Variants in CYP20A1 observed in about 807,000 individuals in gnomAD.
The protein encoded by CYP20A1 is cytochrome P450 20A1.
A neutral mutation model predicts 61.4 loss-of-function variants in CYP20A1; 61 were observed. That is an observed-to-expected ratio of 0.99 (90% confidence interval 0.81 to 1.23). The LOEUF is 1.23. Ranked by LOEUF, CYP20A1 falls within the 50% of genes most tolerant of loss-of-function variation. The probability of loss-of-function intolerance (pLI) is 0.00; values close to 1 mark genes in which losing one functional copy is unlikely to be tolerated. For missense variants in CYP20A1, 530 were observed against 542.4 expected (o/e 0.98, Z 0.23); for synonymous variants, 193 against 188.2 (o/e 1.03, Z -0.21).
chr2:203,241,346 T>A (rs1237218871), intron 1 of CYP20A1, among the ~76,000 whole-genome samples: 1 of 152,186 alleles, frequency 6.6e-6, no homozygotes, highest in Non-Finnish European at 1.5e-5. Context: ...GTCTTGAGTT[T>A]ATGGGAAAAG....
At chr2:203,284,764 G>C (rs1448071427) in intron 8 of CYP20A1, among the ~76,000 whole-genome samples, 1 of 15,634 alleles carries the variant, frequency 6.4e-5, no homozygotes, top group Non-Finnish European at 1.2e-4. Context: ...TTTTTTTTTT[G>C]AGACAGGATC....
Position 203,292,337 on chromosome 2 carries a change from T to G in CYP20A1, c.1148+11T>G. 6.3e-7 allele frequency: 1 copy of G among 1,591,630 alleles called. No homozygotes were observed. On this transcript the variant is annotated intron_variant, in intron 11 of 12. Transcript: ENST00000356079. ...GCCATCTCCACACAAGTATGAAATA[T>G]TTGTCATTGTATTTGTGACTGTCAG...
Position 203,285,593 on chromosome 2 carries a change from C to A in CYP20A1, c.851-19C>A. On this transcript the variant is annotated intron_variant, in intron 8 of 12. Coordinates refer to ENST00000356079, the MANE Select transcript of CYP20A1 (RefSeq NM_177538.3). ...TGAGTTAGCTATTTTCATTGTTATT[C>A]ATATAATGTTTGACCTAGTGTGTAC... 1.3e-6 allele frequency: 2 copies of A among 1,538,822 alleles called. No homozygotes were observed. Among genetic ancestry groups the A allele is most frequent in the South Asian group, 1.3e-5 (1 of 76,544 alleles).
chr2:203,301,463 G>T lies in CYP20A1; in HGVS notation c.*4555G>T, dbSNP rs1690764041. Among the ~76,000 whole-genome samples the T allele has an allele frequency of 2.0e-5, 3 of 151,616 alleles. No homozygotes were observed. Among genetic ancestry groups the T allele is most frequent in the Admixed American group, 1.3e-4 (2 of 15,174 alleles). On this transcript the variant is annotated 3_prime_UTR_variant, in exon 13 of 13. Coordinates refer to ENST00000356079, the MANE Select transcript of CYP20A1 (RefSeq NM_177538.3). ...TTTGGTTTTGTTTTTTTGAGACAGG[G>T]TCTCCCTGCGTCGCCCAGTCTTGTC...
Position 203,305,883 on chromosome 2 carries a change from G to A in CYP20A1, c.*8975G>A, listed in dbSNP as rs1247464562. Among the ~76,000 whole-genome samples the A allele has an allele frequency of 6.6e-6, 1 of 152,138 alleles. No homozygotes were observed. The highest frequency in any genetic ancestry group is 1.5e-5 in the Non-Finnish European group (1 of 68,036). ...ATTCAGAAGCCAAGCTATCCATAAAGCTACTTTGTGATGTGCTGAATACTC... is the reference window on the plus strand; with the variant it reads ...ATTCAGAAGCCAAGCTATCCATAAAACTACTTTGTGATGTGCTGAATACTC... On this transcript the variant is annotated 3_prime_UTR_variant, in exon 13 of 13. Coordinates refer to ENST00000356079, the MANE Select transcript of CYP20A1 (RefSeq NM_177538.3).
chr2:203,292,400 G>A (rs2068576921), intron 11 of CYP20A1, 74 bp downstream of exon 11: 3 of 1,062,710 alleles, frequency 2.8e-6, no homozygotes, highest in Non-Finnish European at 2.9e-6. Context: ...TTTCCTAACT[G>A]TTGAGTAGAA....
intron 1 of CYP20A1, among the ~76,000 whole-genome samples, chr2:203,242,625 A>T (rs2066293271): frequency 6.6e-6 from 1 of 151,986 alleles, no homozygotes; most frequent in South Asian, 2.1e-4. Context: ...TTGTCTCTAA[A>T]ATAAATAAAT....
intron 12 of CYP20A1, 40 bp downstream of exon 12, chr2:203,296,603 A>T (rs2068807567): frequency 6.6e-7 from 1 of 1,511,482 alleles, no homozygotes. Context: ...TAGAATTTTG[A>T]TGATCACTGT....
intron 4 of CYP20A1, among the ~76,000 whole-genome samples, chr2:203,252,831 C>G (rs77090565): frequency 6.6e-6 from 1 of 152,232 alleles, no homozygotes; most frequent in African/African-American, 2.4e-5. Flanking sequence ...CTGTGACTCC[C>G]CACTTCGCGG....
intron 1 of CYP20A1, among the ~76,000 whole-genome samples, chr2:203,242,201 G>A (rs57188568): frequency 6.6e-6 from 1 of 152,010 alleles, no homozygotes; most frequent in Non-Finnish European, 1.5e-5. Context: ...GCCCAGGCTG[G>A]TCTCGAACTT....
At chr2:203,294,869 G>A (rs189658326) in intron 11 of CYP20A1, among the ~76,000 whole-genome samples, 3 of 149,680 alleles carry the variant, frequency 2.0e-5, no homozygotes, top group African/African-American at 4.9e-5. Flanking sequence ...TTTTGACCTC[G>A]TGATCACCTG....
chr2:203,293,218 T>C (rs2068620368), intron 11 of CYP20A1, among the ~76,000 whole-genome samples: 3 of 144,772 alleles, frequency 2.1e-5, no homozygotes, highest in Admixed American at 6.8e-5. Flanking sequence ...TTCTCTCTCT[T>C]TTTTTTTTTT....
chr2:203,243,966 C>T (rs892607693), intron 1 of CYP20A1, among the ~76,000 whole-genome samples: 3 of 152,064 alleles, frequency 2.0e-5, no homozygotes, highest in African/African-American at 7.2e-5. Flanking sequence ...CTGGGATTAT[C>T]GATGCAAGCC....
In CYP20A1 at chr2:203,248,224, C is replaced by T. The variant is rs578024065; in HGVS notation, c.289+1303C>T. On this transcript the variant is annotated intron_variant, in intron 3 of 12. Transcript: ENST00000356079. ...AGGCAGCCAGGGGACAGGGCAAGAA[C>T]CTGTCTCTTGAAAAAAAAGAATCTC... Among the ~76,000 whole-genome samples, 32 of 152,052 alleles carry T rather than the reference C, an allele frequency of 2.1e-4. 1 individual carries two copies. In the South Asian group the frequency reaches 6.4e-3, roughly 31 times the overall value.
At chr2:203,283,334 A>T (rs1261365048) in intron 8 of CYP20A1, among the ~76,000 whole-genome samples, 2 of 144,422 alleles carry the variant, frequency 1.4e-5, no homozygotes, top group African/African-American at 2.6e-5. Context: ...CTCCTGCCTC[A>T]GCCTCCCAAG....
rs1229656558 is a variant in CYP20A1, at chr2:203,303,676, C to T, written c.*6768C>T. 2.0e-5 allele frequency among the ~76,000 whole-genome samples: 3 copies of T among 150,954 alleles called. No homozygotes were observed. Among genetic ancestry groups the T allele is most frequent in the Non-Finnish European group, 2.9e-5 (2 of 67,816 alleles). On this transcript the variant is annotated 3_prime_UTR_variant, in exon 13 of 13. Coordinates refer to ENST00000356079, the MANE Select transcript of CYP20A1 (RefSeq NM_177538.3). ...CGCCATTGCACTCCAGTGTGGGTGA[C>T]GAGCGAAAATCCGTCTCAACCAAGA...
chr2:203,251,602 T>G (rs2066671994), intron 3 of CYP20A1, among the ~76,000 whole-genome samples: 1 of 150,668 alleles, frequency 6.6e-6, no homozygotes, highest in African/African-American at 2.4e-5. Context: ...AAACCCCGTC[T>G]CTACTAGAAG....
intron 3 of CYP20A1, among the ~76,000 whole-genome samples, chr2:203,250,803 G>A (rs576166089): frequency 2.8e-4 from 43 of 152,188 alleles, no homozygotes; most frequent in African/African-American, 9.4e-4. Flanking sequence ...GGTGGCTCAC[G>A]CCTGTAATCC....
At chr2:203,292,034 G>A (rs6435179) in intron 10 of CYP20A1, among the ~76,000 whole-genome samples, 140,840 of 152,268 alleles carry the variant, frequency 0.92, 65,399 homozygotes, top group Non-Finnish European at 0.96. Flanking sequence ...AAATTTTCAT[G>A]TAGTTAAGTC....
Sources: gnomAD v4.1 joint callset for allele counts (sites outside exome capture counted in the v4.1 genomes callset) on GRCh38, gnomAD v4.1.1 for gene constraint, MANE v1.5 for transcripts, NCBI Gene and HGNC (gene_info 2026-07-23, HGNC 2026-07-21) for gene names.